RASA2: variants seen among roughly 807,000 people sequenced by gnomAD.
RASA2 encodes the protein RAS p21 protein activator 2.
Under a neutral mutation model 118.2 loss-of-function variants are expected in RASA2, and 155 were observed. The ratio of observed to expected loss-of-function variants is 1.31; its 90% CI spans 1.15 to 1.50. The LOEUF is 1.50. Ranked by LOEUF, RASA2 falls within the 40% of genes most tolerant of loss-of-function variation. The pLI, the probability that RASA2 is intolerant of heterozygous loss-of-function variation, is 0.00. For synonymous variants in RASA2, 353 were observed against 349.1 expected (o/e 1.01, Z -0.12); for missense variants, 1,016 against 1,009.6 (o/e 1.01, Z -0.09).
chr3:141,580,724 G>A (rs1285694711), intron 16 of RASA2, among the ~76,000 whole-genome samples: 1 of 151,838 alleles, frequency 6.6e-6, no homozygotes, highest in Non-Finnish European at 1.5e-5. Context: ...CAAGGCTGTG[G>A]TGCACAATGA....
At chr3:141,597,474 G>A (rs2083391989) in intron 19 of RASA2, among the ~76,000 whole-genome samples, 2 of 151,980 alleles carry the variant, frequency 1.3e-5, no homozygotes, top group Non-Finnish European at 2.9e-5. Context: ...AGCCGATTGG[G>A]GTATAAACAG....
intron 19 of RASA2, among the ~76,000 whole-genome samples, chr3:141,588,140 A>T (rs2083235057): frequency 6.6e-6 from 1 of 152,194 alleles, no homozygotes; most frequent in South Asian, 2.1e-4. Context: ...CAGGATAGTT[A>T]CATTAGTCTT....
intron 19 of RASA2, among the ~76,000 whole-genome samples, chr3:141,605,755 AT>A (rs113917883): frequency 0.019 from 2,630 of 138,512 alleles, 60 homozygotes; most frequent in African/African-American, 0.056. Flanking sequence ...TTAACTGGTG[AT>A]TTTTTTTTTT....
chr3:141,611,775 G>A (rs1324194812), intron 23 of RASA2, among the ~76,000 whole-genome samples: 2 of 152,070 alleles, frequency 1.3e-5, no homozygotes, highest in African/African-American at 4.8e-5. Context: ...CTAGATAGAT[G>A]CCTCAATTAG....
intron 3 of RASA2, among the ~76,000 whole-genome samples, chr3:141,521,424 C>T: frequency 6.6e-6 from 1 of 152,042 alleles, no homozygotes; most frequent in Non-Finnish European, 1.5e-5. Context: ...TATTAATAAC[C>T]TTTGAGAGAA....
At chr3:141,607,976 AT>A (rs1174763127) in intron 20 of RASA2, among the ~76,000 whole-genome samples, 1 of 152,096 alleles carries the variant, frequency 6.6e-6, no homozygotes, top group African/African-American at 2.4e-5. Context: ...ATTGTCCTTT[AT>A]TGTTGATGCC....
intron 3 of RASA2, among the ~76,000 whole-genome samples, chr3:141,528,857 T>G (rs2082219385): frequency 1.3e-5 from 2 of 151,980 alleles, no homozygotes; most frequent in South Asian, 4.1e-4. Context: ...AAAATGAAAA[T>G]TCTTACTTGA....
At chr3:141,575,511 C>T (rs1323842372) in intron 14 of RASA2, among the ~76,000 whole-genome samples, 1 of 152,202 alleles carries the variant, frequency 6.6e-6, no homozygotes, top group Non-Finnish European at 1.5e-5. Context: ...GTGTTAGCCT[C>T]CATTGTCTCC....
chr3:141,517,045 C>T lies in RASA2; in HGVS notation c.355+614C>T, dbSNP rs111881308. Reference sequence around the variant, plus strand: ...TCGGCCTCCCAGAGTGTTAGGATTACAGGCATGAGCCACCACGCCTGGCCG... The same window carrying T: ...TCGGCCTCCCAGAGTGTTAGGATTATAGGCATGAGCCACCACGCCTGGCCG... On this transcript the variant is annotated intron_variant, in intron 3 of 23. Transcript: ENST00000286364. Among the ~76,000 whole-genome samples, 327 of 152,324 alleles carry T rather than the reference C, an allele frequency of 2.1e-3. 4 individuals are homozygous for T. Among genetic ancestry groups the T allele is most frequent in the African/African-American group, 7.5e-3 (310 of 41,572 alleles).
chr3:141,556,027 C>T, intron 7 of RASA2, 115 bp downstream of exon 7: 1 of 782,992 alleles, frequency 1.3e-6, no homozygotes, highest in South Asian at 1.8e-5. Flanking sequence ...TGCAGATAAG[C>T]ATTTCTCTCC....
chr3:141,577,260 A>G (rs901569167), intron 15 of RASA2, among the ~76,000 whole-genome samples, 154 bp downstream of exon 15: 1 of 152,188 alleles, frequency 6.6e-6, no homozygotes, highest in Non-Finnish European at 1.5e-5. Flanking sequence ...CAGTCTTTCA[A>G]GTGAGGCTAA....
At chr3:141,517,435 C>T (rs2082043090) in intron 3 of RASA2, among the ~76,000 whole-genome samples, 1 of 152,146 alleles carries the variant, frequency 6.6e-6, no homozygotes, top group African/African-American at 2.4e-5. Context: ...GCAAGCACAT[C>T]TTCACATGGC....
At chr3:141,548,696 T>C (rs2082525081) in intron 5 of RASA2, among the ~76,000 whole-genome samples, 1 of 152,200 alleles carries the variant, frequency 6.6e-6, no homozygotes, top group Non-Finnish European at 1.5e-5. Flanking sequence ...AAGATTCATA[T>C]CCTAGTAGTT....
intron 1 of RASA2, among the ~76,000 whole-genome samples, chr3:141,502,226 A>T (rs962832658): frequency 5.3e-5 from 8 of 152,208 alleles, no homozygotes; most frequent in African/African-American, 1.9e-4. Context: ...CATTCAAGCC[A>T]GTTAATGCCA....
chr3:141,503,977 T>G (rs1231266561), intron 1 of RASA2, among the ~76,000 whole-genome samples: 1 of 152,240 alleles, frequency 6.6e-6, no homozygotes, highest in Non-Finnish European at 1.5e-5. Context: ...ACATACAATT[T>G]TATGGTTTGT....
At chr3:141,554,340 C>T (rs569497329) in intron 6 of RASA2, among the ~76,000 whole-genome samples, 1 of 152,292 alleles carries the variant, frequency 6.6e-6, no homozygotes, top group East Asian at 1.9e-4. Context: ...ATATTTTTAT[C>T]TGGAAGGCAG....
chr3:141,608,784 G>A (rs1273949591), intron 21 of RASA2, 87 bp downstream of exon 21: 6 of 1,389,236 alleles, frequency 4.3e-6, no homozygotes, highest in Non-Finnish European at 6.0e-6. Context: ...GAAAAGGAAT[G>A]ACATACTGAT....
At chr3:141,527,107 C>T (rs2082196280) in intron 3 of RASA2, among the ~76,000 whole-genome samples, 1 of 152,116 alleles carries the variant, frequency 6.6e-6, no homozygotes, top group African/African-American at 2.4e-5. Context: ...GCATTTACAA[C>T]ACAATGCCAT....
chr3:141,601,442 CA>C (rs1389869393), intron 19 of RASA2, among the ~76,000 whole-genome samples: 2 of 143,698 alleles, frequency 1.4e-5, no homozygotes, highest in Admixed American at 1.4e-4. Context: ...CCACTGTCTC[CA>C]AAAAAAAAGA....
Sources: gnomAD v4.1 joint callset for allele counts (sites outside exome capture counted in the v4.1 genomes callset) on GRCh38, gnomAD v4.1.1 for gene constraint, MANE v1.5 for transcripts, NCBI Gene and HGNC (gene_info 2026-07-23, HGNC 2026-07-21) for gene names.